DOCK6: variants seen among roughly 807,000 people sequenced by gnomAD.
The protein encoded by DOCK6 is dedicator of cytokinesis protein 6.
A neutral mutation model predicts 230.3 loss-of-function variants in DOCK6; 167 were observed. The observed-to-expected ratio is 0.73, with a 90% confidence interval of 0.64 to 0.82. DOCK6 has a LOEUF of 0.82. DOCK6 is among the 40% of genes least tolerant of loss of function. DOCK6 has a pLI of 0.00. For missense variants in DOCK6, 2,598 were observed against 2,825.8 expected, an observed-to-expected ratio of 0.92 and a Z score of 1.83; for synonymous variants, 1,148 against 1,185.0, an observed-to-expected ratio of 0.97 and a Z score of 0.64.
At chr19:11,227,591 G>T in intron 23 of DOCK6, 114 bp from the exon 24 acceptor site, 2 of 1,293,910 alleles carry the variant, frequency 1.5e-6, no homozygotes, top group Non-Finnish European at 2.1e-6. Context: ...ACTGTGGGTG[G>T]GGCTTGAAGG....
Position 11,200,544 on chromosome 19 carries a change from C to A in DOCK6, c.5940-75G>T. On this transcript the variant is annotated intron_variant, in intron 46 of 47. Transcript: ENST00000294618. The surrounding 1 kb of genome is among the most constrained non-coding windows in gnomAD (Gnocchi z 4.3). ...AAGCAAGACTAGGGGTGGGGGCACC[C>A]ATAAGGCGGGACCAGGCCTGCAGAA... The A allele has an allele frequency of 6.4e-7, 1 of 1,560,706 alleles. No individual in the cohort carries two copies. Among genetic ancestry groups the A allele is most frequent in the Non-Finnish European group, 8.7e-7 (1 of 1,154,042 alleles).
intron 1 of DOCK6, among the ~76,000 whole-genome samples, chr19:11,255,729 G>A (rs1402695708): frequency 2.0e-5 from 3 of 152,272 alleles, no homozygotes; most frequent in East Asian, 3.9e-4. Context: ...CAAGCTGATT[G>A]CCTGGGTTTT....
intron 28 of DOCK6, among the ~76,000 whole-genome samples, chr19:11,219,369 T>C (rs966481255): frequency 1.3e-5 from 2 of 150,118 alleles, no homozygotes; most frequent in Non-Finnish European, 3.0e-5. Context: ...TTTGTATTTT[T>C]AGTAGAGACT....
rs537771867 is a variant in DOCK6 at position 11,233,786 on chromosome 19, G to A, written c.2555-420C>T. The stretch of plus-strand genomic sequence containing the variant: ...GCCCAGGAGTTTAAGGCAGCAGTGA[G>A]TTATGATCGTGACACTGCACTCTAG... On this transcript the variant is annotated intron_variant, in intron 21 of 47. Transcript: ENST00000294618. 2.0e-5 allele frequency among the ~76,000 whole-genome samples: 3 copies of A among 152,154 alleles called. No individual in the cohort carries two copies. In the South Asian group the frequency reaches 6.2e-4, roughly 32 times the overall value.
At chr19:11,208,522 G>A (rs910648640) in intron 39 of DOCK6, 164 bp downstream of exon 39, 3 of 959,584 alleles carry the variant, frequency 3.1e-6, no homozygotes, top group Middle Eastern at 2.5e-4. Context: ...CTCATGACCT[G>A]CCTGCCTCCG....
rs1257473436 is a variant in DOCK6 at position 11,221,957 on chromosome 19, A to G, written c.3444T>C (p.Thr1148=). 1 of 1,613,742 alleles carries G rather than the reference A, an allele frequency of 6.2e-7. No individual in the cohort carries two copies. The highest frequency in any genetic ancestry group is 8.5e-7 in the Non-Finnish European group (1 of 1,179,896). Reference sequence around the variant, plus strand: ...CAGTGGCCTCGGCGTAGCGGGGGTCAGTGTCATGGCCACATAGCAGGCTGT... The same window carrying G: ...CAGTGGCCTCGGCGTAGCGGGGGTCGGTGTCATGGCCACATAGCAGGCTGT... ...AVHSLLCGHD[T]DPRYAEATVK... The change falls in exon 28 of 48, where the codon ACT becomes ACC. Residue 1148 remains threonine, a synonymous_variant. Transcript: ENST00000294618.
intron 1 of DOCK6, among the ~76,000 whole-genome samples, chr19:11,260,505 G>T (rs189717366): frequency 1.3e-5 from 2 of 151,498 alleles, no homozygotes; most frequent in African/African-American, 4.9e-5. Flanking sequence ...ACTTGAGCCC[G>T]GGAGATTGAG....
At chr19:11,248,919 TTCA>T (rs2147867816) in intron 6 of DOCK6, among the ~76,000 whole-genome samples, 1 of 152,276 alleles carries the variant, frequency 6.6e-6, no homozygotes, top group East Asian at 1.9e-4. Flanking sequence ...ACAGAAAGCA[TTCA>T]ATAAATGTTG....
At chr19:11,247,102 A>T (rs1434141378) in intron 7 of DOCK6, among the ~76,000 whole-genome samples, 1 of 151,984 alleles carries the variant, frequency 6.6e-6, no homozygotes, top group Non-Finnish European at 1.5e-5. Context: ...GGACTTCATA[A>T]ATGTTTTATT....
intron 23 of DOCK6, 107 bp from the exon 24 acceptor site, chr19:11,227,584 G>A: frequency 1.4e-6 from 2 of 1,382,690 alleles, no homozygotes; most frequent in African/African-American, 1.4e-5. Flanking sequence ...TTGAAGGACT[G>A]TGGGTGGGGC....
rs536817277 is a variant in DOCK6, at chr19:11,251,074, G to T, written c.520C>A (p.Arg174Ser). Residue 174 changes from arginine to serine, a missense_variant, in exon 6 of 48, where the codon CGT becomes AGT. Transcript: ENST00000294618. ...GTGTCTTCCGGGGAGCCCGAGCCAC[G>T]CCGGGAGTCATTCTGCCAGTGGAGA... The part of the protein sequence containing the change: ...SGPEDSNDSR[R>S]GSGSPEDTPR... 1 of 1,611,234 alleles carries T rather than the reference G, an allele frequency of 6.2e-7. No homozygotes were observed. The highest frequency in any genetic ancestry group is 8.5e-7 in the Non-Finnish European group (1 of 1,178,780).
Position 11,242,951 on chromosome 19 carries a change from G to T in DOCK6, c.1480+108C>A. 2.4e-6 allele frequency: 3 copies of T among 1,268,474 alleles called. No homozygotes were observed. In the South Asian group the frequency reaches 3.6e-5, roughly 15 times the overall value. 78.6% of individuals were successfully genotyped at this position (1,268,474 alleles called of 1,614,324 possible). ...TGAGGTCAGGGATTTGTCCATCATG[G>T]TCATCGTTGGGTCTCTGATGCCCCT... On this transcript the variant is annotated intron_variant, in intron 13 of 47. Transcript: ENST00000294618.
intron 28 of DOCK6, chr19:11,221,319 G>A (rs1349943021): frequency 6.1e-6 from 1 of 164,212 alleles, no homozygotes; most frequent in Non-Finnish European, 1.3e-5. Context: ...TGGAGTCCCA[G>A]GAGTGAAGAG....
chr19:11,246,746 C>T (rs1442391515), intron 7 of DOCK6, among the ~76,000 whole-genome samples: 1 of 152,172 alleles, frequency 6.6e-6, no homozygotes, highest in Non-Finnish European at 1.5e-5. Flanking sequence ...GTGTCATCTG[C>T]CGCCATTGTC....
Position 11,222,768 on chromosome 19 carries a change from C to A in DOCK6, c.3207G>T (p.Ser1069=). ...TGGTGGAGGACACAGAGGGGGAGGG[C>A]GAGGCTGGAGGTGACAGGGGGCAGC... The part of the protein sequence containing the change: ...LPCCPLSPPA[S]PSPSVSSTTS... The change falls in exon 26 of 48, where the codon TCG becomes TCT. Residue 1069 remains serine, a synonymous_variant. Transcript: ENST00000294618. The surrounding 1 kb of genome is among the most constrained non-coding windows in gnomAD (Gnocchi z 4.0). 6.3e-7 allele frequency: 1 copy of A among 1,579,412 alleles called. No homozygotes were observed. Among genetic ancestry groups the A allele is most frequent in the Non-Finnish European group, 8.6e-7 (1 of 1,163,208 alleles).
chr19:11,227,172 C>T (rs1015125114), intron 24 of DOCK6, among the ~76,000 whole-genome samples, 165 bp downstream of exon 24: 13 of 152,206 alleles, frequency 8.5e-5, no homozygotes, highest in Admixed American at 5.2e-4. Flanking sequence ...GGGCTGTGCA[C>T]GTTACAGGCA....
chr19:11,235,267 T>C (rs1244134996), intron 21 of DOCK6, among the ~76,000 whole-genome samples: 1 of 152,030 alleles, frequency 6.6e-6, no homozygotes, highest in Non-Finnish European at 1.5e-5. Context: ...CCACCATGCC[T>C]GGCTAATTTT....
rs1186065789 is a variant in DOCK6 at position 11,243,641 on chromosome 19, T to A, written c.1174A>T (p.Met392Leu). The A allele has an allele frequency of 6.2e-7, 1 of 1,612,830 alleles. No homozygotes were observed. The highest frequency in any genetic ancestry group is 8.5e-7 in the Non-Finnish European group (1 of 1,179,754). The change falls in exon 11 of 48, where the codon ATG (methionine) becomes TTG (leucine). Residue 392 changes from methionine to leucine, a missense_variant. By Grantham distance (15) the Met-to-Leu change is conservative. Coordinates refer to ENST00000294618, the MANE Select transcript of DOCK6 (RefSeq NM_020812.4). This position sits in a 1 kb window ranked among gnomAD's most constrained non-coding sequence, Gnocchi z 6.3. ...QFCTRLGRYR[M>L]PFAWTAVHLA... ...TGCACGGCCGTCCAGGCGAAGGGCATGCGGTAGCGGCCCAGGCGGGTGCAG... is the reference window on the plus strand; with the variant it reads ...TGCACGGCCGTCCAGGCGAAGGGCAAGCGGTAGCGGCCCAGGCGGGTGCAG...
chr19:11,252,335 T>C, intron 4 of DOCK6, 87 bp from the exon 5 acceptor site: 1 of 1,568,878 alleles, frequency 6.4e-7, no homozygotes, highest in Non-Finnish European at 8.7e-7. Context: ...ACATGGCACC[T>C]TCAAAGCCAC....
Sources: gnomAD v4.1 joint callset for allele counts (sites outside exome capture counted in the v4.1 genomes callset) on GRCh38, gnomAD v4.1.1 for gene constraint, Gnocchi (gnomAD v3.1) non-coding constraint, MANE v1.5 for transcripts, NCBI Gene and HGNC (gene_info 2026-07-23, HGNC 2026-07-21) for gene names.